GNA13: variants seen among roughly 807,000 people sequenced by gnomAD.
GNA13 encodes G protein subunit alpha 13.
In GNA13, 4 loss-of-function variants were observed where a neutral mutation model predicts 33.5. The ratio of observed to expected loss-of-function variants is 0.12; its 90% CI spans 0.06 to 0.27. The LOEUF (loss-of-function observed/expected upper bound fraction) is 0.27, where lower values mean the gene tolerates loss of function less well. Ranked by LOEUF, GNA13 falls within the 10% of genes least tolerant of loss-of-function variation. The pLI, the probability that GNA13 is intolerant of heterozygous loss-of-function variation, is 1.00. For synonymous variants in GNA13, 176 were observed against 183.8 expected (o/e 0.96, Z 0.34); for missense variants, 319 against 487.2 (o/e 0.65, Z 3.25).
chr17:65,027,090 A>T (rs1906815615), intron 2 of GNA13, among the ~76,000 whole-genome samples: 1 of 152,174 alleles, frequency 6.6e-6, no homozygotes, highest in Non-Finnish European at 1.5e-5. Flanking sequence ...TTTTCCCAGC[A>T]TATTCTTAAG....
chr17:65,055,710 C>G, intron 1 of GNA13: 2 of 985,368 alleles, frequency 2.0e-6, no homozygotes, highest in Non-Finnish European at 2.4e-6. Context: ...TTCATATTCT[C>G]GCCCAAAAGG....
intron 3 of GNA13, among the ~76,000 whole-genome samples, chr17:65,016,249 T>C (rs1463603411): frequency 6.6e-6 from 1 of 152,236 alleles, no homozygotes; most frequent in East Asian, 1.9e-4. Context: ...AAAACAATGC[T>C]GTTATTCACA....
chr17:65,018,347 G>T, intron 2 of GNA13, 44 bp from the exon 3 acceptor site: 1 of 956,598 alleles, frequency 1.0e-6, no homozygotes, highest in Non-Finnish European at 1.7e-6. Flanking sequence ...GCTTAGAAAT[G>T]GAAGATCTTG....
At chr17:65,021,698 A>G (rs1054870683) in intron 2 of GNA13, among the ~76,000 whole-genome samples, 2 of 152,254 alleles carry the variant, frequency 1.3e-5, no homozygotes, top group African/African-American at 2.4e-5. Flanking sequence ...CAAAAACACC[A>G]GTGGCTTTAT....
intron 1 of GNA13, among the ~76,000 whole-genome samples, chr17:65,055,276 T>TA (rs1908003790): frequency 6.6e-6 from 1 of 152,232 alleles, no homozygotes; most frequent in Non-Finnish European, 1.5e-5. Context: ...GAGTGTTAAT[T>TA]ATCTTTCAAA....
intron 3 of GNA13, among the ~76,000 whole-genome samples, chr17:65,015,925 C>T (rs761539464): frequency 6.6e-6 from 1 of 152,192 alleles, no homozygotes; most frequent in Non-Finnish European, 1.5e-5. Flanking sequence ...TGAGTGTCAG[C>T]ACCTCTGTCT....
At position 65,019,287 on chromosome 17, in the gene GNA13, A is replaced by G. The variant is rs77680496; in HGVS notation, c.511-984T>C. On this transcript the variant is annotated intron_variant, in intron 2 of 3. Transcript: ENST00000439174. ...AATTTTTTGGTCTCAAGATCACACA[A>G]TATGATCCAGCAATGGCACTGCTAG... Among the ~76,000 whole-genome samples, 578 of 152,318 alleles carry G rather than the reference A, an allele frequency of 3.8e-3. 3 individuals carry two copies. Among genetic ancestry groups the G allele is most frequent in the African/African-American group, 0.013 (544 of 41,558 alleles).
Position 65,009,394 on chromosome 17 carries a change from TAATG to T in GNA13, c.*4859_*4862del, listed in dbSNP as rs1906095523. On this transcript the variant is annotated 3_prime_UTR_variant, in exon 4 of 4. Transcript: ENST00000439174. The stretch of plus-strand genomic sequence containing the variant: ...AAATATGTACAAAAGTAAAAAGCTG[TAATG>T]AACTAGCAACTCATTTTATAAAATC... 1.3e-5 allele frequency among the ~76,000 whole-genome samples: 2 copies of T among 152,342 alleles called. No homozygotes were observed. The highest frequency in any genetic ancestry group is 6.5e-5 in the Admixed American group (1 of 15,304).
Position 65,043,033 on chromosome 17 carries a change from G to A in GNA13, c.510+10469C>T, listed in dbSNP as rs997470648. Among the ~76,000 whole-genome samples the A allele has an allele frequency of 2.6e-5, 4 of 151,964 alleles. No homozygotes were observed. The East Asian group carries it at 5.8e-4, about 22-fold the overall frequency. On this transcript the variant is annotated intron_variant, in intron 2 of 3. Coordinates refer to ENST00000439174, the MANE Select transcript of GNA13 (RefSeq NM_006572.6). ...TTTACATGGGTTATCTCATGTCCTC[G>A]TCACAATAGTAACAGTAGGTCCCTA... is the stretch of plus-strand genomic sequence containing the variant.
intron 2 of GNA13, among the ~76,000 whole-genome samples, chr17:65,042,695 C>A (rs1027962084): frequency 6.6e-6 from 1 of 152,086 alleles, no homozygotes; most frequent in African/African-American, 2.4e-5. Flanking sequence ...CAAGACCGCG[C>A]CACTGCACTC....
chr17:65,045,346 C>G (rs1029924422), intron 2 of GNA13, among the ~76,000 whole-genome samples: 2 of 151,772 alleles, frequency 1.3e-5, no homozygotes, highest in Non-Finnish European at 2.9e-5. Context: ...ATGGTGAAAC[C>G]CCATCTCTAC....
At chr17:65,050,630 A>G (rs1490056313) in intron 2 of GNA13, among the ~76,000 whole-genome samples, 1 of 152,106 alleles carries the variant, frequency 6.6e-6, no homozygotes, top group African/African-American at 2.4e-5. Flanking sequence ...TACTTGAGAG[A>G]CTGAAGCTGG....
chr17:65,043,818 C>A (rs1438498680), intron 2 of GNA13, among the ~76,000 whole-genome samples: 1 of 152,186 alleles, frequency 6.6e-6, no homozygotes, highest in African/African-American at 2.4e-5. Flanking sequence ...TTACCCACCG[C>A]ATGGATTTAA....
intron 2 of GNA13, among the ~76,000 whole-genome samples, chr17:65,050,427 G>C (rs989860752): frequency 6.6e-6 from 1 of 152,132 alleles, no homozygotes; most frequent in Non-Finnish European, 1.5e-5. Flanking sequence ...CTATGTGTCA[G>C]GTGCTATTAA....
At chr17:65,038,213 G>A (rs1306647626) in intron 2 of GNA13, among the ~76,000 whole-genome samples, 1 of 152,158 alleles carries the variant, frequency 6.6e-6, no homozygotes, top group African/African-American at 2.4e-5. Context: ...GACCAGCCTG[G>A]CCAATATGAT....
intron 2 of GNA13, chr17:65,052,268 C>T (rs919914113): frequency 1.3e-5 from 2 of 152,290 alleles, no homozygotes; most frequent in African/African-American, 2.4e-5. Flanking sequence ...AGTCTCCTGC[C>T]TCAGCCTCCT....
rs1906289888 is a variant in GNA13 at position 65,014,370 on chromosome 17, G to T, written c.1021C>A (p.Pro341Thr). ...RNKRRDQQQK[P>T]LYHHFTTAIN... ...GCAGTGGTGAAGTGGTGGTATAAGG[G>T]CTTCTGTTGCTGGTCCCGGCGTTTG... Residue 341 changes from proline to threonine, a missense_variant, in exon 4 of 4, where the codon CCC (proline) becomes ACC (threonine). Transcript: ENST00000439174. This position sits in a 1 kb window ranked among gnomAD's most constrained non-coding sequence, Gnocchi z 5.3. The T allele has an allele frequency of 6.2e-7, 1 of 1,613,790 alleles. No homozygotes were observed. Among genetic ancestry groups the T allele is most frequent in the African/African-American group, 1.3e-5 (1 of 74,894 alleles).
At position 65,012,653 on chromosome 17, in the gene GNA13, C is replaced by A. The variant is rs1480470912; in HGVS notation, c.*1604G>T. On this transcript the variant is annotated 3_prime_UTR_variant, in exon 4 of 4. Coordinates refer to ENST00000439174, the MANE Select transcript of GNA13 (RefSeq NM_006572.6). ...GGTTAGTTCACTGAAAAGCCCCACT[C>A]TCGTATCAGACAGCAAGACAGAACA... The A allele has an allele frequency of 4.3e-6, 1 of 230,188 alleles. No homozygotes were observed. Among genetic ancestry groups the A allele is most frequent in the African/African-American group, 2.2e-5 (1 of 44,996 alleles). 14.3% of individuals were successfully genotyped at this position (230,188 alleles called of 1,614,324 possible).
Position 65,051,574 on chromosome 17 carries a change from A to G in GNA13, c.510+1928T>C, listed in dbSNP as rs188526492. On this transcript the variant is annotated intron_variant, in intron 2 of 3. Transcript: ENST00000439174. ...AGGTGAGCCAAGATCGCGCCACTGC[A>G]CTCCAGCCTGGGCAACAAGAACAAA... Among the ~76,000 whole-genome samples, 3 of 152,196 alleles carry G rather than the reference A, an allele frequency of 2.0e-5. No individual in the cohort carries two copies. The East Asian group carries it at 5.8e-4, about 29-fold the overall frequency.
Sources: allele counts gnomAD v4.1 joint callset (sites outside exome capture counted in the v4.1 genomes callset), GRCh38; gene constraint gnomAD v4.1.1; non-coding constraint Gnocchi (gnomAD v3.1); transcripts MANE v1.5; gene names NCBI Gene and HGNC (gene_info 2026-07-23, HGNC 2026-07-21).